VAT1L: variants seen among roughly 807,000 people sequenced by gnomAD.
The protein encoded by VAT1L is putative NADPH-dependent quinone oxidoreductase VAT1L.
In VAT1L, 34 loss-of-function variants were observed where a neutral mutation model predicts 44.1. The observed-to-expected ratio is 0.77, with a 90% CI of 0.59 to 1.03. VAT1L has a LOEUF of 1.03. Ranked by LOEUF, VAT1L falls within the 50% of genes least tolerant of loss-of-function variation. VAT1L has a pLI of 0.00. For missense variants in VAT1L, 615 were observed against 538.8 expected (o/e 1.14, Z -1.40); for synonymous variants, 253 against 202.2 (o/e 1.25, Z -2.13).
At chr16:77,943,981 G>A (rs2017926257) in intron 7 of VAT1L, among the ~76,000 whole-genome samples, 1 of 152,136 alleles carries the variant, frequency 6.6e-6, no homozygotes, top group Non-Finnish European at 1.5e-5. Flanking sequence ...CTTGGCTACA[G>A]ACCTGGCTCC....
At chr16:77,874,839 TAAA>T (rs769810512) in intron 4 of VAT1L, among the ~76,000 whole-genome samples, 1,685 of 87,662 alleles carry the variant, frequency 0.019, 26 homozygotes, top group African/African-American at 0.065. Context: ...AATTAATTTG[TAAA>T]AAAAAAAAAA....
At chr16:77,940,329 C>T (rs950853980) in intron 7 of VAT1L, among the ~76,000 whole-genome samples, 4 of 147,088 alleles carry the variant, frequency 2.7e-5, no homozygotes, top group African/African-American at 1.0e-4. Context: ...CCAGGTCTAA[C>T]ATACCACTTG....
At chr16:77,927,800 T>A (rs1183981075) in intron 7 of VAT1L, among the ~76,000 whole-genome samples, 2 of 151,248 alleles carry the variant, frequency 1.3e-5, no homozygotes, top group African/African-American at 4.9e-5. Context: ...ACCCGGGAGG[T>A]GGAGGTTACA....
At chr16:77,975,410 C>G (rs1042321145) in intron 8 of VAT1L, among the ~76,000 whole-genome samples, 1 of 151,938 alleles carries the variant, frequency 6.6e-6, no homozygotes, top group Admixed American at 6.6e-5. Flanking sequence ...TGGGGTTTCA[C>G]CATGTTGGCC....
intron 7 of VAT1L, among the ~76,000 whole-genome samples, chr16:77,971,077 G>A (rs2018273384): frequency 6.6e-6 from 1 of 151,908 alleles, no homozygotes; most frequent in African/African-American, 2.4e-5. Context: ...GTGGAGCATG[G>A]GCCTGTACCA....
intron 3 of VAT1L, among the ~76,000 whole-genome samples, chr16:77,848,426 C>T (rs2016777389): frequency 2.0e-5 from 3 of 152,094 alleles, no homozygotes. Flanking sequence ...GTCTTGGCCC[C>T]CCATGTGGGA....
chr16:77,959,746 G>C (rs979838784), intron 7 of VAT1L, among the ~76,000 whole-genome samples: 26 of 152,170 alleles, frequency 1.7e-4, no homozygotes, highest in Non-Finnish European at 3.2e-4. Flanking sequence ...AAAGACTGAG[G>C]ATTATTAACC....
chr16:77,870,862 C>A (rs780423182), intron 4 of VAT1L, among the ~76,000 whole-genome samples: 22 of 152,160 alleles, frequency 1.4e-4, no homozygotes, highest in Non-Finnish European at 1.9e-4. Flanking sequence ...GATGAGCCTT[C>A]CGGCTCCACT....
intron 7 of VAT1L, among the ~76,000 whole-genome samples, chr16:77,919,277 C>G (rs1323808946): frequency 6.6e-6 from 1 of 152,150 alleles, no homozygotes; most frequent in African/African-American, 2.4e-5. Flanking sequence ...CAGACCGGTG[C>G]CTTTCATTGA....
intron 7 of VAT1L, among the ~76,000 whole-genome samples, chr16:77,956,330 G>C (rs904336875): frequency 2.9e-4 from 44 of 152,062 alleles, no homozygotes; most frequent in African/African-American, 1.0e-3. Context: ...GAACAACAGA[G>C]ACTCAGGAAG....
rs888583832 is a variant in VAT1L at position 77,862,994 on chromosome 16, A to G, written c.722+104A>G. On this transcript the variant is annotated intron_variant, in intron 4 of 8. Coordinates refer to ENST00000302536, the MANE Select transcript of VAT1L (RefSeq NM_020927.3). ...GGGATAATAATAATATGTAGCAAAC[A>G]TATATTGGGGGCTTAGTATTATTAG... 7 of 1,403,950 alleles carry G rather than the reference A, an allele frequency of 5.0e-6. No individual in the cohort carries two copies. The African/African-American group carries it at 8.6e-5, about 17-fold the overall frequency. The allele number at this position is 1,403,950 out of a possible 1,614,324, so 87.0% of individuals were successfully genotyped here.
rs535086591 is a variant in VAT1L, at chr16:77,975,534, C to T, written c.1162-2063C>T. Reference sequence around the variant, plus strand: ...GCCATGACCAGTCTCAGCCCTCACTCAGCCCCGAATCTGCCCAGCCAGCAT... The same window carrying T: ...GCCATGACCAGTCTCAGCCCTCACTTAGCCCCGAATCTGCCCAGCCAGCAT... On this transcript the variant is annotated intron_variant, in intron 8 of 8. Transcript: ENST00000302536. Among the ~76,000 whole-genome samples, 14 of 152,222 alleles carry T rather than the reference C, an allele frequency of 9.2e-5. No homozygotes were observed. The East Asian group carries it at 2.5e-3, about 27-fold the overall frequency.
intron 7 of VAT1L, among the ~76,000 whole-genome samples, chr16:77,967,185 C>G (rs1003364649): frequency 1.3e-5 from 2 of 152,180 alleles, no homozygotes; most frequent in Admixed American, 6.5e-5. Flanking sequence ...GAAGGGGAAG[C>G]TGCCCTCTCA....
chr16:77,957,247 G>C (rs557658268), intron 7 of VAT1L, among the ~76,000 whole-genome samples: 2 of 152,058 alleles, frequency 1.3e-5, no homozygotes, highest in Non-Finnish European at 2.9e-5. Context: ...ACAATTCCGG[G>C]TGAAAACCTT....
chr16:77,845,715 C>A (rs1050784919), intron 3 of VAT1L, among the ~76,000 whole-genome samples: 4 of 152,194 alleles, frequency 2.6e-5, no homozygotes, highest in African/African-American at 9.7e-5. Context: ...GTCCAACCGT[C>A]CACCCTGAGA....
chr16:77,826,186 G>T (rs185141236), intron 3 of VAT1L, among the ~76,000 whole-genome samples: 3,119 of 143,000 alleles, frequency 0.022, 109 homozygotes, highest in African/African-American at 0.074. Context: ...CAGCCTGGGC[G>T]ACAGAGCGAG....
intron 7 of VAT1L, among the ~76,000 whole-genome samples, chr16:77,952,340 G>A (rs991320762): frequency 1.3e-5 from 2 of 152,116 alleles, no homozygotes; most frequent in Admixed American, 1.3e-4. Context: ...CGTTGGAGAT[G>A]GGGCCTAGTG....
chr16:77,838,051 C>G (rs1294004270), intron 3 of VAT1L, among the ~76,000 whole-genome samples: 2 of 152,186 alleles, frequency 1.3e-5, no homozygotes, highest in Non-Finnish European at 2.9e-5. Context: ...GCTCCATGCT[C>G]TATGAACTGG....
chr16:77,935,191 T>C (rs192888765), intron 7 of VAT1L, among the ~76,000 whole-genome samples: 158 of 152,322 alleles, frequency 1.0e-3, no homozygotes, highest in South Asian at 1.7e-3. Context: ...AAAAGATTCA[T>C]TGGAAGAGTG....
Sources: allele counts gnomAD v4.1 joint callset (sites outside exome capture counted in the v4.1 genomes callset), GRCh38; gene constraint gnomAD v4.1.1; transcripts MANE v1.5; gene names NCBI Gene and HGNC (gene_info 2026-07-23, HGNC 2026-07-21).